Variants in AVEN observed in about 807,000 individuals in gnomAD.
The protein encoded by AVEN is cell death regulator Aven.
Under a neutral mutation model 38.1 loss-of-function variants are expected in AVEN, and 41 were observed. The ratio of observed to expected loss-of-function variants is 1.08; its 90% CI spans 0.84 to 1.40. The LOEUF is 1.40. AVEN is among the 40% of genes most tolerant of loss of function. The pLI is 0.00. For synonymous variants in AVEN, 206 were observed against 171.8 expected, an observed-to-expected ratio of 1.20 and a Z score of -1.56; for missense variants, 605 against 438.8, an observed-to-expected ratio of 1.38 and a Z score of -3.38.
intron 2 of AVEN, among the ~76,000 whole-genome samples, chr15:33,990,491 T>A (rs769976439): frequency 6.6e-6 from 1 of 152,180 alleles, no homozygotes; most frequent in Non-Finnish European, 1.5e-5. Flanking sequence ...CAGAAGAGTA[T>A]CTGGAATACA....
At chr15:34,002,067 C>T (rs1897157504) in intron 2 of AVEN, among the ~76,000 whole-genome samples, 1 of 152,178 alleles carries the variant, frequency 6.6e-6, no homozygotes, top group South Asian at 2.1e-4. Context: ...ACACATTGCC[C>T]AGTTTACCCC....
chr15:34,036,899 C>G (rs1206409122), intron 1 of AVEN, among the ~76,000 whole-genome samples: 1 of 152,118 alleles, frequency 6.6e-6, no homozygotes, highest in Non-Finnish European at 1.5e-5. Context: ...CACCTGAGGT[C>G]AGGAGTTCGA....
intron 2 of AVEN, among the ~76,000 whole-genome samples, chr15:33,916,131 C>G (rs1893127832): frequency 6.6e-6 from 1 of 152,118 alleles, no homozygotes; most frequent in African/African-American, 2.4e-5. Flanking sequence ...CCTGGGAGCT[C>G]CAGGGTCCCA....
intron 2 of AVEN, among the ~76,000 whole-genome samples, chr15:33,901,367 G>A (rs940415511): frequency 3.9e-5 from 6 of 152,146 alleles, no homozygotes; most frequent in Admixed American, 6.5e-5. Flanking sequence ...ATGAAATACC[G>A]ACACGTGCAT....
upstream of AVEN, chr15:34,039,249 G>A (rs1899351622): frequency 7.9e-6 from 2 of 252,298 alleles, no homozygotes; most frequent in South Asian, 1.5e-4. Flanking sequence ...AGGTGGGGCC[G>A]GAACCGGGAC....
At chr15:34,029,518 A>C (rs12899427) in intron 1 of AVEN, among the ~76,000 whole-genome samples, 18 of 6,950 alleles carry the variant, frequency 2.6e-3, no homozygotes, top group Admixed American at 5.0e-3. Context: ...CTATTTCTAC[A>C]AAAAAAAAAA....
intron 2 of AVEN, among the ~76,000 whole-genome samples, chr15:33,929,754 T>A (rs1166889307): frequency 6.6e-6 from 1 of 152,234 alleles, no homozygotes; most frequent in Non-Finnish European, 1.5e-5. Flanking sequence ...AATTTAATTT[T>A]ACTGCTAAAG....
At chr15:33,961,353 T>C (rs1895153135) in intron 2 of AVEN, among the ~76,000 whole-genome samples, 1 of 152,178 alleles carries the variant, frequency 6.6e-6, no homozygotes, top group South Asian at 2.1e-4. Context: ...ATTTCTCTTA[T>C]TAAAGAAACT....
downstream of AVEN, chr15:33,854,514 G>A: frequency 7.4e-7 from 1 of 1,352,566 alleles, no homozygotes; most frequent in African/African-American, 1.5e-5. Context: ...AGAGAAGCAA[G>A]CTATGCAGGA....
chr15:33,999,463 G>T (rs1018181236), intron 2 of AVEN, among the ~76,000 whole-genome samples: 1 of 152,026 alleles, frequency 6.6e-6, no homozygotes, highest in African/African-American at 2.4e-5. Flanking sequence ...ACTGCAACAG[G>T]TATCAAAGTG....
At chr15:33,910,927 C>T (rs1042079669) in intron 2 of AVEN, among the ~76,000 whole-genome samples, 8 of 152,126 alleles carry the variant, frequency 5.3e-5, no homozygotes, top group African/African-American at 1.7e-4. Flanking sequence ...TCTTAGGAGA[C>T]GTCAAGATCA....
Position 33,867,704 on chromosome 15 carries a change from A to G in AVEN, c.764T>C (p.Leu255Pro), listed in dbSNP as rs370073555. ...ACCCGGGCTTGGGTTGTCTTTGCCCAGCAACACAGGGCAGCCAGCAGCCAC... is the reference window on the plus strand; with the variant it reads ...ACCCGGGCTTGGGTTGTCTTTGCCCGGCAACACAGGGCAGCCAGCAGCCAC... ...KSVAAGCPVL[L>P]GKDNPSPGPS... Residue 255 changes from leucine (L) to proline (P), a missense_variant, in exon 5 of 6, where the codon CTG (leucine) becomes CCG (proline). Physicochemically the swap from Leu to Pro is moderately conservative, Grantham distance 98 (BLOSUM62 -3). Coordinates refer to ENST00000306730, the MANE Select transcript of AVEN (RefSeq NM_020371.3). 4.6e-5 allele frequency: 74 copies of G among 1,614,040 alleles called. No individual in the cohort carries two copies. Among genetic ancestry groups the G allele is most frequent in the Non-Finnish European group, 5.7e-5 (67 of 1,180,024 alleles).
chr15:34,022,959 G>A (rs1368767278), intron 1 of AVEN, among the ~76,000 whole-genome samples: 9 of 152,146 alleles, frequency 5.9e-5, no homozygotes, highest in East Asian at 1.9e-4. Context: ...AGGCCGAGGC[G>A]GGCGGATCAC....
intron 1 of AVEN, among the ~76,000 whole-genome samples, chr15:34,014,577 A>G (rs1418724130): frequency 6.6e-6 from 1 of 152,126 alleles, no homozygotes; most frequent in African/African-American, 2.4e-5. Flanking sequence ...ACAAATCACC[A>G]ATAGTCACAA....
chr15:33,862,610 C>G (rs1416777861), downstream of AVEN, among the ~76,000 whole-genome samples: 1 of 152,104 alleles, frequency 6.6e-6, no homozygotes. Context: ...AAGTCAAAAA[C>G]ATGAGTTTTG....
downstream of AVEN, among the ~76,000 whole-genome samples, chr15:33,854,004 C>A (rs1273289607): frequency 6.6e-6 from 1 of 151,970 alleles, no homozygotes; most frequent in Non-Finnish European, 1.5e-5. Flanking sequence ...CCAGCCTGGC[C>A]AACATAGTGA....
chr15:34,007,016 G>A (rs1897384832), intron 1 of AVEN: 2 of 962,880 alleles, frequency 2.1e-6, no homozygotes, highest in Non-Finnish European at 2.5e-6. Flanking sequence ...TACAAAATTA[G>A]TCTGGTGGTT....
At position 33,869,102 on chromosome 15, in the gene AVEN, C is replaced by T. The variant is rs1890826689; in HGVS notation, c.613-1247G>A. Among the ~76,000 whole-genome samples, 4 of 152,102 alleles carry T rather than the reference C, an allele frequency of 2.6e-5. No individual in the cohort carries two copies. In the South Asian group the frequency reaches 8.3e-4, roughly 32 times the overall value. On this transcript the variant is annotated intron_variant, in intron 4 of 5. Transcript: ENST00000306730. ...AAGACGGTATGGCTTTATATACAAA[C>T]AGGAATAAATATCCAGCAGAGTCAG...
intron 2 of AVEN, among the ~76,000 whole-genome samples, chr15:33,901,511 T>C (rs948691262): frequency 6.6e-6 from 1 of 152,220 alleles, no homozygotes; most frequent in Non-Finnish European, 1.5e-5. Context: ...TTCAATTTCA[T>C]GTCCTTTGGG....
Sources: allele counts gnomAD v4.1 joint callset (sites outside exome capture counted in the v4.1 genomes callset), GRCh38; gene constraint gnomAD v4.1.1; transcripts MANE v1.5; gene names NCBI Gene and HGNC (gene_info 2026-07-23, HGNC 2026-07-21).